Variants in TPTE observed in about 807,000 individuals in gnomAD.
TPTE encodes the protein putative tyrosine-protein phosphatase TPTE.
A neutral mutation model predicts 84.1 loss-of-function variants in TPTE; 59 were observed. That is an observed-to-expected ratio of 0.70 (90% CI 0.57 to 0.87). The LOEUF is 0.87. Ranked by LOEUF, TPTE falls within the 40% of genes least tolerant of loss-of-function variation. The pLI, the probability that TPTE is intolerant of heterozygous loss-of-function variation, is 0.00. For missense variants in TPTE, 382 were observed against 659.6 expected (o/e 0.58, Z 4.61); for synonymous variants, 130 against 223.5 (o/e 0.58, Z 3.73).
chr21:10,558,938 C>G (rs1459669781), intron 8 of TPTE, among the ~76,000 whole-genome samples: 8 of 152,300 alleles, frequency 5.3e-5, no homozygotes, highest in Non-Finnish European at 1.0e-4. Flanking sequence ...GGGTGTTTCT[C>G]CTTTGAAGTA....
At chr21:10,600,795 A>C (rs11184134) in intron 21 of TPTE, among the ~76,000 whole-genome samples, 1,185 of 150,258 alleles carry the variant, frequency 7.9e-3, no homozygotes, top group South Asian at 0.045. Flanking sequence ...AATGAGTCAA[A>C]GAACTAGTAC....
intron 17 of TPTE, among the ~76,000 whole-genome samples, chr21:10,582,774 C>G (rs1363468766): frequency 1.3e-5 from 2 of 152,218 alleles, no homozygotes; most frequent in Non-Finnish European, 2.9e-5. Context: ...CACTCTGTCA[C>G]CCAGGCTGGA....
At chr21:10,536,820 T>C (rs1239647176) in intron 3 of TPTE, among the ~76,000 whole-genome samples, 1 of 152,306 alleles carries the variant, frequency 6.6e-6, no homozygotes, top group African/African-American at 2.4e-5. Context: ...AGGCACATAC[T>C]TAGGAAAGTC....
chr21:10,544,663 C>G (rs147164544), intron 7 of TPTE, among the ~76,000 whole-genome samples: 13 of 152,422 alleles, frequency 8.5e-5, no homozygotes, highest in African/African-American at 3.1e-4. Flanking sequence ...GGTTTACGGT[C>G]ATGAGCCATC....
In TPTE at chr21:10,576,008, A is replaced by G. The variant is rs1410262659; in HGVS notation, c.796-1452A>G. 2.0e-5 allele frequency among the ~76,000 whole-genome samples: 3 copies of G among 152,426 alleles called. No individual in the cohort carries two copies. In the East Asian group the frequency reaches 5.8e-4, roughly 29 times the overall value. Reference sequence around the variant, plus strand: ...TAAATTAGTTCAACCCATGTGGAAGACAGTGTGGCAATTCCTCAAAGACCT... The same window carrying G: ...TAAATTAGTTCAACCCATGTGGAAGGCAGTGTGGCAATTCCTCAAAGACCT... On this transcript the variant is annotated intron_variant, in intron 14 of 23. Transcript: ENST00000618007.
intron 17 of TPTE, among the ~76,000 whole-genome samples, chr21:10,589,611 A>T (rs1600965727): frequency 6.6e-6 from 1 of 152,426 alleles, no homozygotes. Flanking sequence ...AAAGTCTCCA[A>T]GTCTCTTCTC....
chr21:10,535,146 C>A lies in TPTE; in HGVS notation c.-43-3535C>A, dbSNP rs1482655006. Among the ~76,000 whole-genome samples the A allele has an allele frequency of 4.6e-5, 7 of 152,422 alleles. No homozygotes were observed. The South Asian group carries it at 1.4e-3, about 32-fold the overall frequency. Reference sequence around the variant, plus strand: ...GGTAGACTCTTGTCTAGAGTAACTGCAGCTATTTGACCAAAAGTGTAAGTC... The same window carrying A: ...GGTAGACTCTTGTCTAGAGTAACTGAAGCTATTTGACCAAAAGTGTAAGTC... On this transcript the variant is annotated intron_variant, in intron 3 of 23. Transcript: ENST00000618007.
chr21:10,558,452 G>T, intron 8 of TPTE, among the ~76,000 whole-genome samples: 1 of 152,304 alleles, frequency 6.6e-6, no homozygotes, highest in Non-Finnish European at 1.5e-5. Context: ...ATTCTGACTG[G>T]TGTGAAATGG....
intron 18 of TPTE, among the ~76,000 whole-genome samples, chr21:10,590,746 C>A (rs1362421741): frequency 1.3e-5 from 2 of 152,388 alleles, no homozygotes; most frequent in African/African-American, 4.8e-5. Flanking sequence ...AGAGTGAGGT[C>A]AATGAGGTGC....
At chr21:10,552,030 T>C (rs2074585301) in intron 7 of TPTE, among the ~76,000 whole-genome samples, 1 of 152,312 alleles carries the variant, frequency 6.6e-6, no homozygotes, top group African/African-American at 2.4e-5. Flanking sequence ...TAAGAAATTG[T>C]CTCAGCCACT....
At chr21:10,545,897 TTAATA>T (rs1212475798) in intron 7 of TPTE, among the ~76,000 whole-genome samples, 1 of 151,888 alleles carries the variant, frequency 6.6e-6, no homozygotes, top group Non-Finnish European at 1.5e-5. Flanking sequence ...TATATATCCT[TTAATA>T]TATATATGAG....
chr21:10,529,330 G>A (rs1242337439), intron 3 of TPTE, among the ~76,000 whole-genome samples: 2 of 152,308 alleles, frequency 1.3e-5, no homozygotes, highest in African/African-American at 4.8e-5. Context: ...GATATAGGAA[G>A]ATGATGCAAA....
chr21:10,578,059 C>G (rs1461605349), intron 15 of TPTE, among the ~76,000 whole-genome samples: 1 of 152,306 alleles, frequency 6.6e-6, no homozygotes, highest in Admixed American at 6.5e-5. Context: ...TGGTTTCTAA[C>G]TACCCTGAAA....
chr21:10,551,582 AC>A (rs2074574937), intron 7 of TPTE, among the ~76,000 whole-genome samples: 1 of 152,306 alleles, frequency 6.6e-6, no homozygotes, highest in Non-Finnish European at 1.5e-5. Flanking sequence ...AATAATGAAG[AC>A]CAAACAGAAA....
intron 10 of TPTE, among the ~76,000 whole-genome samples, chr21:10,561,633 G>T (rs1408692802): frequency 6.6e-6 from 1 of 152,310 alleles, no homozygotes; most frequent in Non-Finnish European, 1.5e-5. Context: ...GGTGGCCATG[G>T]ATTGATGCTC....
intron 13 of TPTE, 128 bp from the exon 14 acceptor site, chr21:10,570,357 C>T (rs1600923822): frequency 1.3e-6 from 2 of 1,502,312 alleles, no homozygotes; most frequent in East Asian, 4.6e-5. Context: ...TAGCTCTTTT[C>T]TGTCAACCTC....
intron 21 of TPTE, among the ~76,000 whole-genome samples, chr21:10,599,033 G>A (rs1460234290): frequency 6.6e-6 from 1 of 152,308 alleles, no homozygotes; most frequent in Admixed American, 6.5e-5. Context: ...CCAATTATGA[G>A]CACCCGCTGA....
At chr21:10,523,645 G>C in intron 1 of TPTE, among the ~76,000 whole-genome samples, 1 of 152,296 alleles carries the variant, frequency 6.6e-6, no homozygotes, top group Non-Finnish European at 1.5e-5. Context: ...TTTTATGGCT[G>C]CATAGTATTC....
At chr21:10,591,829 G>C (rs1425397800) in intron 18 of TPTE, among the ~76,000 whole-genome samples, 3 of 152,308 alleles carry the variant, frequency 2.0e-5, no homozygotes, top group African/African-American at 7.2e-5. Context: ...CCTTGAATGA[G>C]AGAAGTCCTA....
Sources: gnomAD v4.1 joint callset for allele counts (sites outside exome capture counted in the v4.1 genomes callset) on GRCh38, gnomAD v4.1.1 for gene constraint, MANE v1.5 for transcripts, NCBI Gene and HGNC (gene_info 2026-07-23, HGNC 2026-07-21) for gene names.